The following INO80 variants were observed in gnomAD, a reference collection of about 807,000 sequenced individuals.
INO80 encodes the protein chromatin-remodeling ATPase INO80.
In INO80, 20 loss-of-function variants were observed where a neutral mutation model predicts 203.4. The observed-to-expected ratio is 0.10, with a 90% CI of 0.07 to 0.14. The LOEUF (loss-of-function observed/expected upper bound fraction) is 0.14, where lower values mean the gene tolerates loss of function less well. Among genes scored for constraint, INO80 ranks in the 10% least tolerant of loss-of-function variants. The pLI is 1.00. For missense variants in INO80, 1,419 were observed against 1,914.4 expected (o/e 0.74, Z 4.83); for synonymous variants, 726 against 685.2 (o/e 1.06, Z -0.93).
chr15:41,031,779 C>T (rs1474297520), intron 24 of INO80, among the ~76,000 whole-genome samples: 1 of 151,982 alleles, frequency 6.6e-6, no homozygotes, highest in African/African-American at 2.4e-5. Flanking sequence ...ATGTGTGCGT[C>T]TTGCCGCCAG....
At chr15:41,102,735 T>C (rs917112018) in intron 1 of INO80, among the ~76,000 whole-genome samples, 1 of 152,140 alleles carries the variant, frequency 6.6e-6, no homozygotes, top group Non-Finnish European at 1.5e-5. Context: ...TCTGATACAG[T>C]TGAGAACCAT....
chr15:41,057,513 A>G (rs1304854835), intron 16 of INO80, among the ~76,000 whole-genome samples: 1 of 151,106 alleles, frequency 6.6e-6, no homozygotes, highest in Non-Finnish European at 1.5e-5. Flanking sequence ...CTGAGGATAG[A>G]AAGTTCCACA....
intron 23 of INO80, 77 bp from the exon 24 acceptor site, chr15:41,045,152 T>C (rs2044733493): frequency 1.8e-6 from 2 of 1,106,606 alleles, no homozygotes; most frequent in Middle Eastern, 3.1e-4. Flanking sequence ...GCAAGGATTG[T>C]CTCTCATTAA....
chr15:41,028,281 G>A (rs977663313), intron 24 of INO80, among the ~76,000 whole-genome samples: 2 of 152,074 alleles, frequency 1.3e-5, no homozygotes, highest in East Asian at 1.9e-4. Flanking sequence ...GACTACAGGC[G>A]TGCACCACCA....
Position 41,111,450 on chromosome 15 carries a change from A to C in INO80, c.-44+4523T>G, listed in dbSNP as rs1460432570. Reference sequence around the variant, plus strand: ...AGAGAGCGAGACTCCGTCTCAAAAAAAAGAATTTTTTTTTTAATGGTCTGG... The same window carrying C: ...AGAGAGCGAGACTCCGTCTCAAAAACAAGAATTTTTTTTTTAATGGTCTGG... On this transcript the variant is annotated intron_variant, in intron 1 of 35. Coordinates refer to ENST00000648947, the MANE Select transcript of INO80 (RefSeq NM_017553.3). Among the ~76,000 whole-genome samples, 7 of 152,112 alleles carry C rather than the reference A, an allele frequency of 4.6e-5. No homozygotes were observed. The East Asian group carries it at 1.4e-3, about 29-fold the overall frequency.
chr15:41,080,853 A>T (rs1372805926), intron 8 of INO80, among the ~76,000 whole-genome samples, 167 bp downstream of exon 8: 2 of 152,150 alleles, frequency 1.3e-5, no homozygotes, highest in Admixed American at 1.3e-4. Context: ...TGTCTCAAAA[A>T]ATAAAAATAA....
intron 29 of INO80, among the ~76,000 whole-genome samples, chr15:40,989,014 CAAAAA>C (rs55929719): frequency 6.2e-5 from 9 of 144,788 alleles, no homozygotes; most frequent in African/African-American, 2.0e-4. Flanking sequence ...GCCTCCGTCT[CAAAAA>C]AAAAAAAAAA....
At chr15:41,035,804 A>G (rs2044562424) in intron 24 of INO80, among the ~76,000 whole-genome samples, 1 of 113,854 alleles carries the variant, frequency 8.8e-6, no homozygotes, top group African/African-American at 3.3e-5. Flanking sequence ...TCTGGGGGAC[A>G]GAGTGAGACT....
At chr15:40,990,670 G>A (rs572180748) in intron 29 of INO80, among the ~76,000 whole-genome samples, 1 of 152,306 alleles carries the variant, frequency 6.6e-6, no homozygotes, top group African/African-American at 2.4e-5. Flanking sequence ...AATGCTTGTT[G>A]CCTCTAGAGG....
chr15:41,084,883 T>C (rs1390555168), intron 7 of INO80, among the ~76,000 whole-genome samples: 3 of 151,900 alleles, frequency 2.0e-5, no homozygotes, highest in South Asian at 2.1e-4. Flanking sequence ...GCTACAAACA[T>C]GTGCCGCTAC....
chr15:40,985,563 G>A (rs2043718884), intron 31 of INO80, 137 bp from the exon 32 acceptor site: 3 of 685,720 alleles, frequency 4.4e-6, no homozygotes, highest in Non-Finnish European at 7.6e-6. Flanking sequence ...GATAACCAGT[G>A]GTTTTCTAAC....
intron 1 of INO80, among the ~76,000 whole-genome samples, chr15:41,111,049 CTAAT>C (rs2140714621): frequency 6.6e-6 from 1 of 152,296 alleles, no homozygotes; most frequent in African/African-American, 2.4e-5. Flanking sequence ...CTATGCCAAG[CTAAT>C]TAGAATTCCT....
chr15:41,090,446 A>T (rs966865648), intron 5 of INO80, among the ~76,000 whole-genome samples: 4 of 152,052 alleles, frequency 2.6e-5, no homozygotes, highest in Non-Finnish European at 1.5e-5. Flanking sequence ...GCGTGGTGGC[A>T]CACGCCTGTA....
intron 29 of INO80, among the ~76,000 whole-genome samples, chr15:40,988,907 T>C (rs2043778600): frequency 6.6e-6 from 1 of 151,706 alleles, no homozygotes; most frequent in African/African-American, 2.4e-5. Flanking sequence ...CCCAGCTATC[T>C]GGGAGGCTAA....
chr15:41,002,476 G>T (rs1035229712), intron 28 of INO80, among the ~76,000 whole-genome samples: 1 of 152,070 alleles, frequency 6.6e-6, no homozygotes, highest in African/African-American at 2.4e-5. Flanking sequence ...CTGAGCCCTG[G>T]GTCTCACAGC....
At chr15:41,109,649 A>G (rs556915215) in intron 1 of INO80, among the ~76,000 whole-genome samples, 13 of 150,132 alleles carry the variant, frequency 8.7e-5, no homozygotes, top group African/African-American at 3.2e-4. Context: ...TACAAAAATT[A>G]TGCCAGGTGC....
At position 41,086,564 on chromosome 15, in the gene INO80, T is replaced by C. The variant is rs373170485; in HGVS notation, c.659-981A>G. Among the ~76,000 whole-genome samples, 69 of 151,820 alleles carry C rather than the reference T, an allele frequency of 4.5e-4. 2 individuals are homozygous for C. The East Asian group carries it at 7.4e-3, about 16-fold the overall frequency. ...TACTCGGGAGGCTGAGGCATGAGAA[T>C]TGCGTGAACTCAGGAGGTAGAGGTT... On this transcript the variant is annotated intron_variant, in intron 6 of 35. Coordinates refer to ENST00000648947, the MANE Select transcript of INO80 (RefSeq NM_017553.3).
chr15:40,987,297 C>A, intron 30 of INO80, 104 bp from the exon 31 acceptor site: 1 of 628,750 alleles, frequency 1.6e-6, no homozygotes, highest in South Asian at 2.0e-5. Context: ...TCAGGGGAGG[C>A]CTCTGGTTTC....
Position 41,072,010 on chromosome 15 carries a change from G to T in INO80, c.1444C>A (p.Arg482=), listed in dbSNP as rs201642978. The T allele has an allele frequency of 1.9e-6, 3 of 1,608,912 alleles. No homozygotes were observed. The African/African-American group carries it at 4.1e-5, about 22-fold the overall frequency. The change falls in exon 12 of 36, where the codon CGG becomes AGG. Residue 482 remains arginine, a synonymous_variant. Transcript: ENST00000648947. ...DAKESRAAAL[R]AANKSGTGFG... ...CCAGTGCCAGACTTGTTTGCTGCCCGTAGGGCAGCTGCTCGACTTTCTTTT... is the reference window on the plus strand; with the variant it reads ...CCAGTGCCAGACTTGTTTGCTGCCCTTAGGGCAGCTGCTCGACTTTCTTTT...
Sources: allele counts gnomAD v4.1 joint callset (sites outside exome capture counted in the v4.1 genomes callset), GRCh38; gene constraint gnomAD v4.1.1; transcripts MANE v1.5; gene names NCBI Gene and HGNC (gene_info 2026-07-23, HGNC 2026-07-21).